NTRK2: variants seen among roughly 807,000 people sequenced by gnomAD.
The protein encoded by NTRK2 is BDNF/NT-3 growth factors receptor.
Under a neutral mutation model 94.5 loss-of-function variants are expected in NTRK2, and 13 were observed. The ratio of observed to expected loss-of-function variants is 0.14; its 90% CI spans 0.09 to 0.22. NTRK2 has a LOEUF of 0.22. NTRK2 is among the 10% of genes least tolerant of loss of function. NTRK2 has a pLI of 1.00. For missense variants in NTRK2, 639 were observed against 1,071.2 expected, an observed-to-expected ratio of 0.60 and a Z score of 5.63; for synonymous variants, 372 against 407.4, an observed-to-expected ratio of 0.91 and a Z score of 1.05.
chr9:84,834,769 A>G (rs1321225779), intron 12 of NTRK2, among the ~76,000 whole-genome samples: 5 of 152,288 alleles, frequency 3.3e-5, no homozygotes, highest in South Asian at 4.1e-4. Context: ...GGCCACCTTC[A>G]TGGGACTGAG....
chr9:84,948,739 G>A (rs1179148470), intron 16 of NTRK2, 105 bp downstream of exon 16: 3 of 961,428 alleles, frequency 3.1e-6, no homozygotes, highest in Non-Finnish European at 4.8e-6. Context: ...CTTTCTCGAA[G>A]CATCTTATTT....
intron 13 of NTRK2, among the ~76,000 whole-genome samples, chr9:84,862,425 G>A (rs1410527196): frequency 6.6e-6 from 1 of 152,158 alleles, no homozygotes; most frequent in East Asian, 1.9e-4. Flanking sequence ...CTGCTAAATA[G>A]CAAGTCATTG....
intron 14 of NTRK2, among the ~76,000 whole-genome samples, chr9:84,930,221 T>C (rs1173050228): frequency 6.6e-6 from 1 of 152,188 alleles, no homozygotes. Flanking sequence ...AACTAAACCT[T>C]TGGATGTCTG....
intron 14 of NTRK2, chr9:84,872,272 A>G: frequency 4.4e-6 from 5 of 1,131,920 alleles, no homozygotes; most frequent in Non-Finnish European, 5.5e-6. Flanking sequence ...ACAGGGAACA[A>G]TGGAAACACA....
chr9:84,986,204 G>C (rs538790556), intron 17 of NTRK2, among the ~76,000 whole-genome samples: 1 of 151,842 alleles, frequency 6.6e-6, no homozygotes, highest in Non-Finnish European at 1.5e-5. Context: ...GCTGCCCCCC[G>C]ACCCCTGCTC....
At chr9:84,785,295 A>C (rs1441260741) in intron 12 of NTRK2, among the ~76,000 whole-genome samples, 1 of 152,166 alleles carries the variant, frequency 6.6e-6, no homozygotes, top group African/African-American at 2.4e-5. Context: ...ATAGGTAAAA[A>C]CCAACTATTT....
intron 14 of NTRK2, among the ~76,000 whole-genome samples, chr9:84,891,246 A>G (rs1181263826): frequency 6.8e-6 from 1 of 146,458 alleles, no homozygotes; most frequent in East Asian, 2.0e-4. Flanking sequence ...TTTTTTAAAA[A>G]AAGTGCCAGG....
At chr9:84,722,115 A>G (rs888274549) in intron 6 of NTRK2, among the ~76,000 whole-genome samples, 2 of 139,484 alleles carry the variant, frequency 1.4e-5, no homozygotes, top group Non-Finnish European at 3.0e-5. Flanking sequence ...TCTGTTAATC[A>G]TTGTTATATA....
chr9:84,692,701 G>A (rs2060127600), intron 2 of NTRK2, among the ~76,000 whole-genome samples: 1 of 151,726 alleles, frequency 6.6e-6, no homozygotes, highest in Admixed American at 6.6e-5. Flanking sequence ...TCCTGACCTC[G>A]GGTGATCTGC....
chr9:84,912,280 T>A (rs1235479104), intron 14 of NTRK2, among the ~76,000 whole-genome samples: 1 of 152,156 alleles, frequency 6.6e-6, no homozygotes, highest in Non-Finnish European at 1.5e-5. Flanking sequence ...ATGGTGTTTT[T>A]ATTTCTTCTA....
intron 12 of NTRK2, among the ~76,000 whole-genome samples, chr9:84,824,202 G>C (rs966216521): frequency 6.6e-6 from 1 of 152,184 alleles, no homozygotes; most frequent in Non-Finnish European, 1.5e-5. Flanking sequence ...TCAAGGGAAG[G>C]CCTCCAGAAA....
chr9:84,931,031 C>T lies in NTRK2; in HGVS notation c.1634-3131C>T, dbSNP rs116974647. On this transcript the variant is annotated intron_variant, in intron 14 of 18. Coordinates refer to ENST00000277120, the MANE Select transcript of NTRK2 (RefSeq NM_006180.6). ...TTTTTTCACAGATATTTATAAATCACCAATTGTATGCACAGCACTGTGAGG... is the reference window on the plus strand; with the variant it reads ...TTTTTTCACAGATATTTATAAATCATCAATTGTATGCACAGCACTGTGAGG... Among the ~76,000 whole-genome samples the T allele has an allele frequency of 2.0e-3, 308 of 152,250 alleles. 2 individuals carry two copies. The highest frequency in any genetic ancestry group is 2.6e-3 in the Non-Finnish European group (175 of 68,018).
At chr9:84,789,218 C>T (rs1408622280) in intron 12 of NTRK2, among the ~76,000 whole-genome samples, 1 of 152,176 alleles carries the variant, frequency 6.6e-6, no homozygotes, top group South Asian at 2.1e-4. Flanking sequence ...AGAGAGGCTA[C>T]TGCCTGTCCT....
intron 17 of NTRK2, among the ~76,000 whole-genome samples, chr9:84,960,216 G>A (rs747621450): frequency 1.3e-5 from 2 of 152,184 alleles, no homozygotes; most frequent in African/African-American, 2.4e-5. Flanking sequence ...CCCACTCCCA[G>A]TTTATCAACT....
At chr9:84,975,869 A>C (rs890950442) in intron 17 of NTRK2, among the ~76,000 whole-genome samples, 1 of 152,054 alleles carries the variant, frequency 6.6e-6, no homozygotes, top group African/African-American at 2.4e-5. Context: ...GGCTATTGAC[A>C]AAGGTGTAGA....
chr9:85,011,213 G>A (rs1831533111), intron 17 of NTRK2, among the ~76,000 whole-genome samples: 1 of 152,060 alleles, frequency 6.6e-6, no homozygotes, highest in Non-Finnish European at 1.5e-5. Context: ...GGGAGCGGTA[G>A]GGTTGGGTCT....
intron 17 of NTRK2, among the ~76,000 whole-genome samples, chr9:85,003,186 T>C (rs913131886): frequency 6.6e-5 from 10 of 152,112 alleles, no homozygotes; most frequent in Non-Finnish European, 2.9e-5. Context: ...GTGAGATCAT[T>C]AAAAAGGGAT....
At chr9:84,944,820 G>A (rs1361762712) in intron 15 of NTRK2, among the ~76,000 whole-genome samples, 1 of 152,244 alleles carries the variant, frequency 6.6e-6, no homozygotes, top group African/African-American at 2.4e-5. Flanking sequence ...AAGACTGGTT[G>A]TGGTTTCAAA....
At chr9:84,780,804 TA>T (rs1247305472) in intron 12 of NTRK2, among the ~76,000 whole-genome samples, 1 of 152,194 alleles carries the variant, frequency 6.6e-6, no homozygotes, top group African/African-American at 2.4e-5. Flanking sequence ...TAGATGGTTA[TA>T]CATGGAAACA....
Sources: gnomAD v4.1 joint callset for allele counts (sites outside exome capture counted in the v4.1 genomes callset) on GRCh38, gnomAD v4.1.1 for gene constraint, MANE v1.5 for transcripts, NCBI Gene and HGNC (gene_info 2026-07-23, HGNC 2026-07-21) for gene names.